The following SLC34A2 variants were observed in gnomAD, a reference collection of about 807,000 sequenced individuals.
SLC34A2 encodes sodium-dependent phosphate transport protein 2B.
SLC34A2 carries 41 observed loss-of-function variants against 50.8 expected under a neutral mutation model. That is an observed-to-expected ratio of 0.81 (90% CI 0.63 to 1.05). SLC34A2 has a LOEUF of 1.05. Among genes scored for constraint, SLC34A2 ranks in the 50% least tolerant of loss-of-function variants. The pLI is 0.00. For synonymous variants in SLC34A2, 401 were observed against 364.2 expected, an observed-to-expected ratio of 1.10 and a Z score of -1.15; for missense variants, 879 against 876.7, an observed-to-expected ratio of 1.00 and a Z score of -0.03.
At position 25,678,553 on chromosome 4, in the gene SLC34A2, TATA is replaced by T. The variant is rs1421639674; in HGVS notation, c.*1810_*1812del. On this transcript the variant is annotated 3_prime_UTR_variant, in exon 13 of 13. Transcript: ENST00000382051. The stretch of plus-strand genomic sequence containing the variant: ...TGAATCTTTGTACTTGCATTGATTG[TATA>T]ATAATTTTGAGACCAGGTCTCGCTG... The T allele has an allele frequency of 2.8e-5, 6 of 215,176 alleles. No individual in the cohort carries two copies. The highest frequency in any genetic ancestry group is 2.0e-4 in the Admixed American group (4 of 19,618). 13.3% of individuals were successfully genotyped at this position (215,176 alleles called of 1,614,324 possible).
chr4:25,676,865 T>G lies in SLC34A2; in HGVS notation c.*116T>G. ...AGGAGATTTGCTCCCCATTAGCGAA[T>G]GAAATTGATGCAGTCCTACCTAACT... On this transcript the variant is annotated 3_prime_UTR_variant, in exon 13 of 13. Coordinates refer to ENST00000382051, the MANE Select transcript of SLC34A2 (RefSeq NM_006424.3). 1 of 1,436,328 alleles carries G rather than the reference T, an allele frequency of 7.0e-7. No homozygotes were observed. The allele number at this position is 1,436,328 out of a possible 1,614,324, so 89.0% of individuals were successfully genotyped here. A position where few individuals can be genotyped will look rare whatever the true frequency, so the allele number is the denominator to read the frequency against.
chr4:25,663,852 T>G (rs569814411), intron 3 of SLC34A2, among the ~76,000 whole-genome samples: 1 of 152,316 alleles, frequency 6.6e-6, no homozygotes, highest in Admixed American at 6.5e-5. Context: ...ACTTAGCAGG[T>G]GGCTAGTGCT....
intron 1 of SLC34A2, among the ~76,000 whole-genome samples, chr4:25,658,452 A>G (rs148142935): frequency 3.9e-4 from 60 of 152,282 alleles, no homozygotes; most frequent in Middle Eastern, 3.4e-3. Context: ...GCCCAGGAAC[A>G]GGTCTTGGTT....
chr4:25,666,077 C>A (rs1373408397), intron 4 of SLC34A2, 51 bp from the exon 5 acceptor site: 8 of 1,605,082 alleles, frequency 5.0e-6, no homozygotes, highest in Non-Finnish European at 6.8e-6. Flanking sequence ...CCCACCTAAT[C>A]CCCCTCGATC....
intron 1 of SLC34A2, 80 bp downstream of exon 1, chr4:25,655,970 C>A (rs1306180636): frequency 6.6e-6 from 1 of 152,238 alleles, no homozygotes; most frequent in Non-Finnish European, 1.5e-5. Flanking sequence ...AAATACCTCT[C>A]GGTGCTGACT....
intron 7 of SLC34A2, among the ~76,000 whole-genome samples, chr4:25,670,091 C>T (rs1489781991): frequency 1.3e-5 from 2 of 152,158 alleles, no homozygotes; most frequent in African/African-American, 4.8e-5. Flanking sequence ...GGCATGGTGG[C>T]GTGCACCTGT....
chr4:25,664,570 C>T (rs1264442350), intron 4 of SLC34A2, among the ~76,000 whole-genome samples: 1 of 152,220 alleles, frequency 6.6e-6, no homozygotes, highest in Non-Finnish European at 1.5e-5. Flanking sequence ...CTAGACTATT[C>T]CAAGCTATCC....
chr4:25,673,594 G>T (rs977929863), intron 10 of SLC34A2, among the ~76,000 whole-genome samples: 1 of 152,038 alleles, frequency 6.6e-6, no homozygotes, highest in African/African-American at 2.4e-5. Context: ...CCAGGTGTCT[G>T]CCCTCGCCCC....
intron 12 of SLC34A2, 42 bp downstream of exon 12, chr4:25,674,671 ACCACCCATGGT>A (rs751323612): frequency 6.2e-7 from 1 of 1,612,828 alleles, no homozygotes; most frequent in South Asian, 1.1e-5. Context: ...TGGGAGTGGG[ACCACCCATGGT>A]CTTGCAAACT....
intron 1 of SLC34A2, among the ~76,000 whole-genome samples, chr4:25,658,993 A>G (rs1406798192): frequency 6.7e-6 from 1 of 149,442 alleles, no homozygotes; most frequent in Non-Finnish European, 1.5e-5. Context: ...CTGAATGATC[A>G]TGTGGGAGTG....
Position 25,664,255 on chromosome 4 carries a change from A to G in SLC34A2, c.304A>G (p.Ile102Val). ...TTTCTTCCAAGGGATTGGGAGATTG[A>G]TTTTACTTCTCGGATTTCTCTACTT... ...LCFFQGIGRL[I>V]LLLGFLYFFV... Residue 102 changes from isoleucine (I) to valine (V), a missense_variant, in exon 4 of 13, where the codon ATT becomes GTT. Ile to Val is a conservative substitution (Grantham distance 29). Coordinates refer to ENST00000382051, the MANE Select transcript of SLC34A2 (RefSeq NM_006424.3). 1 of 1,607,426 alleles carries G rather than the reference A, an allele frequency of 6.2e-7. No homozygotes were observed. The highest frequency in any genetic ancestry group is 8.5e-7 in the Non-Finnish European group (1 of 1,176,726).
chr4:25,670,843 C>G lies in SLC34A2; in HGVS notation c.927+10C>G. On this transcript the variant is annotated intron_variant, in intron 8 of 12. Transcript: ENST00000382051. ...AACTTTTACCAACAAGGTACGTTTC[C>G]AAGAATATTCCCGGGGCGGGGAGTG... 6.2e-7 allele frequency: 1 copy of G among 1,603,700 alleles called. No homozygotes were observed. Among genetic ancestry groups the G allele is most frequent in the Non-Finnish European group, 8.5e-7 (1 of 1,170,800 alleles).
In SLC34A2 at chr4:25,671,517, G is replaced by A. The variant is rs10016821; in HGVS notation, c.928-84G>A. 2.5e-4 allele frequency: 384 copies of A among 1,566,612 alleles called. 2 individuals carry two copies. In the African/African-American group the frequency reaches 3.1e-3, roughly 12 times the overall value. On this transcript the variant is annotated intron_variant, in intron 8 of 12. Coordinates refer to ENST00000382051, the MANE Select transcript of SLC34A2 (RefSeq NM_006424.3). The stretch of plus-strand genomic sequence containing the variant: ...TGCATGCACCATGGGTGGTGTCTGC[G>A]CCTGTTCATTCCCACCCCCGCCATT...
In SLC34A2 at chr4:25,673,208, G is replaced by A; in HGVS notation, c.1170G>A (p.Val390=). The change falls in exon 10 of 13, where the codon GTG becomes GTA. Residue 390 remains valine, a synonymous_variant. Coordinates refer to ENST00000382051, the MANE Select transcript of SLC34A2 (RefSeq NM_006424.3). ...TGATTGTCAAGATCCTGGGCTCTGT[G>A]CTCAAGGGGCAGGTCGCCACTGTCA... ...LIMIVKILGS[V]LKGQVATVIK... is the part of the protein sequence containing the mutation. The A allele has an allele frequency of 6.2e-7, 1 of 1,614,038 alleles. No individual in the cohort carries two copies. The highest frequency in any genetic ancestry group is 1.1e-5 in the South Asian group (1 of 91,072).
At chr4:25,666,932 G>C (rs1257259117) in intron 5 of SLC34A2, 1 of 151,812 alleles carries the variant, frequency 6.6e-6, no homozygotes, top group East Asian at 1.9e-4. Context: ...ATAGAGACTT[G>C]GGTCTCACTG....
At chr4:25,671,531 A>G (rs994323493) in intron 8 of SLC34A2, 70 bp from the exon 9 acceptor site, 2 of 1,600,496 alleles carry the variant, frequency 1.2e-6, no homozygotes, top group Non-Finnish European at 1.7e-6. Context: ...GTTCATTCCC[A>G]CCCCCGCCAT....
In SLC34A2 at chr4:25,677,605, A is replaced by C. The variant is rs1357360826; in HGVS notation, c.*856A>C. ...CCCAATTCAAAAGCATTGTGGCTAA[A>C]GTCTAACGCTCCTCTCTTGGTCAGA... is the stretch of plus-strand genomic sequence containing the variant. On this transcript the variant is annotated 3_prime_UTR_variant, in exon 13 of 13. Coordinates refer to ENST00000382051, the MANE Select transcript of SLC34A2 (RefSeq NM_006424.3). 2.6e-5 allele frequency: 4 copies of C among 152,230 alleles called. No individual in the cohort carries two copies. The highest frequency in any genetic ancestry group is 9.6e-5 in the African/African-American group (4 of 41,470). The allele number at this position is 152,230 out of a possible 1,614,324, so 9.4% of individuals were successfully genotyped here. A position where few individuals can be genotyped will look rare whatever the true frequency, so the allele number is the denominator to read the frequency against.
At chr4:25,664,485 C>T (rs1013223809) in intron 4 of SLC34A2, among the ~76,000 whole-genome samples, 155 bp downstream of exon 4, 2 of 152,294 alleles carry the variant, frequency 1.3e-5, no homozygotes, top group Non-Finnish European at 1.5e-5. Flanking sequence ...CTATGCTTTC[C>T]GTTATAGAAG....
rs376664655 is a variant in SLC34A2 at position 25,671,603 on chromosome 4, C to T, written c.930C>T (p.Thr310=). 98 of 1,614,110 alleles carry T rather than the reference C, an allele frequency of 6.1e-5. No individual in the cohort carries two copies. The African/African-American group carries it at 1.2e-3, about 20-fold the overall frequency. The change falls in exon 9 of 13, where the codon ACC becomes ACT. Residue 310 remains threonine, a splice_region_variant and synonymous_variant. Coordinates refer to ENST00000382051, the MANE Select transcript of SLC34A2 (RefSeq NM_006424.3). ...KIWCKTFTNK[T]QINVTVPSTA... ...CATTTGTCATGTTTGTCATCCAGAC[C>T]CAGATTAACGTCACTGTTCCCTCGA...
Sources: gnomAD v4.1 joint callset for allele counts (sites outside exome capture counted in the v4.1 genomes callset) on GRCh38, gnomAD v4.1.1 for gene constraint, MANE v1.5 for transcripts, NCBI Gene and HGNC (gene_info 2026-07-23, HGNC 2026-07-21) for gene names.